Variants in SPOCK1 observed in about 807,000 individuals in gnomAD.
SPOCK1 encodes SPARC (osteonectin), cwcv and kazal like domains proteoglycan 1.
SPOCK1 carries 23 observed loss-of-function variants against 55.3 expected under a neutral mutation model. The ratio of observed to expected loss-of-function variants is 0.42; its 90% CI spans 0.30 to 0.59. The LOEUF is 0.59. Ranked by LOEUF, SPOCK1 falls within the 20% of genes least tolerant of loss-of-function variation. SPOCK1 has a pLI of 0.22. For missense variants in SPOCK1, 499 were observed against 552.5 expected (o/e 0.90, Z 0.97); for synonymous variants, 226 against 221.0 (o/e 1.02, Z -0.20).
chr5:137,105,459 G>A (rs1468080469), intron 5 of SPOCK1, among the ~76,000 whole-genome samples: 3 of 152,156 alleles, frequency 2.0e-5, no homozygotes, highest in African/African-American at 7.2e-5. Flanking sequence ...GGTCATAAAA[G>A]CCTTGGGAGA....
At chr5:137,057,802 GTCTTT>G (rs1554095221) in intron 6 of SPOCK1, among the ~76,000 whole-genome samples, 1 of 152,286 alleles carries the variant, frequency 6.6e-6, no homozygotes, top group African/African-American at 2.4e-5. Flanking sequence ...TTGTAATGCT[GTCTTT>G]TCTTTTCACA....
At chr5:137,283,063 G>A (rs1291881769) in intron 2 of SPOCK1, among the ~76,000 whole-genome samples, 1 of 152,216 alleles carries the variant, frequency 6.6e-6, no homozygotes, top group African/African-American at 2.4e-5. Flanking sequence ...AAGTCCTCAG[G>A]TAAGGATGCG....
chr5:136,997,081 C>A (rs928563261), intron 6 of SPOCK1, among the ~76,000 whole-genome samples: 3 of 152,108 alleles, frequency 2.0e-5, no homozygotes, highest in African/African-American at 7.2e-5. Flanking sequence ...ATGATGTTTC[C>A]CCATTTACCC....
intron 3 of SPOCK1, among the ~76,000 whole-genome samples, chr5:137,214,294 TG>T (rs1468481904): frequency 6.6e-5 from 10 of 152,128 alleles, no homozygotes; most frequent in Non-Finnish European, 7.3e-5. Context: ...AGCTGGCAAG[TG>T]GTGCAGCCAG....
At chr5:137,102,939 G>A (rs1298537703) in intron 5 of SPOCK1, among the ~76,000 whole-genome samples, 1 of 152,102 alleles carries the variant, frequency 6.6e-6, no homozygotes, top group Non-Finnish European at 1.5e-5. Context: ...TATCACTGTG[G>A]TAGTGATTGC....
intron 4 of SPOCK1, among the ~76,000 whole-genome samples, chr5:137,115,982 T>C (rs747927930): frequency 1.3e-5 from 2 of 152,216 alleles, no homozygotes; most frequent in Non-Finnish European, 2.9e-5. Flanking sequence ...CTTGATGGGA[T>C]TGTTATGCCC....
chr5:137,463,994 C>T (rs1417318984), intron 2 of SPOCK1, among the ~76,000 whole-genome samples: 1 of 151,206 alleles, frequency 6.6e-6, no homozygotes, highest in African/African-American at 2.4e-5. Flanking sequence ...TTGTTTGTAA[C>T]ACAAAGGATA....
intron 3 of SPOCK1, among the ~76,000 whole-genome samples, chr5:137,257,310 G>A (rs1178266355): frequency 6.6e-6 from 1 of 152,178 alleles, no homozygotes; most frequent in African/African-American, 2.4e-5. Context: ...AAATTTATGT[G>A]TTGAAATCCT....
chr5:137,409,965 T>C (rs904681124), intron 2 of SPOCK1, among the ~76,000 whole-genome samples: 1 of 152,196 alleles, frequency 6.6e-6, no homozygotes, highest in Non-Finnish European at 1.5e-5. Context: ...ACTGTGGTGG[T>C]GGGAAGGAAT....
At chr5:137,454,369 G>A (rs991665314) in intron 2 of SPOCK1, among the ~76,000 whole-genome samples, 6 of 152,168 alleles carry the variant, frequency 3.9e-5, no homozygotes, top group African/African-American at 1.4e-4. Flanking sequence ...AACACATTCG[G>A]AGGATCACTG....
intron 9 of SPOCK1, among the ~76,000 whole-genome samples, chr5:136,980,016 A>G (rs186504756): frequency 2.0e-5 from 3 of 152,180 alleles, no homozygotes; most frequent in Non-Finnish European, 4.4e-5. Flanking sequence ...TCTATGAACA[A>G]CACCAGTCTG....
chr5:137,381,642 C>CTCTGAGCTGTACTCTGG (rs1751471560), intron 2 of SPOCK1, among the ~76,000 whole-genome samples: 1 of 152,196 alleles, frequency 6.6e-6, no homozygotes, highest in South Asian at 2.1e-4. Context: ...GTACCTTGGT[C>CTCTGAGCTGTACTCTGG]CCTTTTAGCC....
chr5:137,485,329 AG>A (rs1754033530), intron 2 of SPOCK1, among the ~76,000 whole-genome samples: 1 of 152,218 alleles, frequency 6.6e-6, no homozygotes, highest in African/African-American at 2.4e-5. Context: ...TCATAAGGGT[AG>A]GCAAATGTCT....
At chr5:137,304,064 GGT>G (rs1491224093) in intron 2 of SPOCK1, among the ~76,000 whole-genome samples, 12 of 81,802 alleles carry the variant, frequency 1.5e-4, no homozygotes, top group African/African-American at 5.2e-4. Context: ...AAATGCAATG[GGT>G]TTTTTTTTTT....
chr5:137,349,330 A>G (rs1215451291), intron 2 of SPOCK1, among the ~76,000 whole-genome samples: 1 of 152,242 alleles, frequency 6.6e-6, no homozygotes, highest in African/African-American at 2.4e-5. Context: ...ATTTGAAAGC[A>G]TCTATTTAAA....
At chr5:137,348,477 G>A (rs1173402542) in intron 2 of SPOCK1, among the ~76,000 whole-genome samples, 1 of 151,674 alleles carries the variant, frequency 6.6e-6, no homozygotes, top group African/African-American at 2.4e-5. Flanking sequence ...GAGGGGTGGG[G>A]GTGGGGGTGC....
intron 6 of SPOCK1, among the ~76,000 whole-genome samples, chr5:137,007,925 T>C (rs1580704893): frequency 6.6e-6 from 1 of 152,030 alleles, no homozygotes; most frequent in Admixed American, 6.5e-5. Context: ...AAAGAAAATG[T>C]GGCTCATATA....
chr5:137,195,470 T>A (rs867347262), intron 3 of SPOCK1, among the ~76,000 whole-genome samples: 48 of 152,244 alleles, frequency 3.2e-4, no homozygotes, highest in African/African-American at 1.0e-3. Context: ...CAGGCAGCCA[T>A]AAAATGAGTT....
At chr5:137,032,421 C>G (rs1751799069) in intron 6 of SPOCK1, among the ~76,000 whole-genome samples, 2 of 152,062 alleles carry the variant, frequency 1.3e-5, no homozygotes, top group Admixed American at 1.3e-4. Context: ...TTCCATTAAT[C>G]TTTTAAAAGA....
Sources: gnomAD v4.1 joint callset for allele counts (sites outside exome capture counted in the v4.1 genomes callset) on GRCh38, gnomAD v4.1.1 for gene constraint, MANE v1.5 for transcripts, NCBI Gene and HGNC (gene_info 2026-07-23, HGNC 2026-07-21) for gene names.